The following CRTC3 variants were observed in gnomAD, a reference collection of about 807,000 sequenced individuals.
The protein encoded by CRTC3 is CREB-regulated transcription coactivator 3.
A neutral mutation model predicts 74.5 loss-of-function variants in CRTC3; 26 were observed. That is an observed-to-expected ratio of 0.35 (90% CI 0.26 to 0.48). The LOEUF is 0.48. Among genes scored for constraint, CRTC3 ranks in the 20% least tolerant of loss-of-function variants. CRTC3 has a pLI of 0.99. For synonymous variants in CRTC3, 377 were observed against 325.8 expected, an observed-to-expected ratio of 1.16 and a Z score of -1.69; for missense variants, 760 against 787.3, an observed-to-expected ratio of 0.97 and a Z score of 0.41.
rs73490386 is a variant in CRTC3, at chr15:90,576,931, G to A, written c.232-16705G>A. On this transcript the variant is annotated intron_variant, in intron 2 of 14. Transcript: ENST00000268184. ...TGAAGAGGAGAGACACCGGGACACCGGGGCAAGGAGGAGGAATAGGATGAT... is the reference window on the plus strand; with the variant it reads ...TGAAGAGGAGAGACACCGGGACACCAGGGCAAGGAGGAGGAATAGGATGAT... Among the ~76,000 whole-genome samples, 853 of 152,264 alleles carry A rather than the reference G, an allele frequency of 5.6e-3. 11 individuals carry two copies. The highest frequency in any genetic ancestry group is 0.019 in the African/African-American group (795 of 41,540).
chr15:90,584,237 CTT>C (rs11355776), intron 2 of CRTC3, among the ~76,000 whole-genome samples: 3,066 of 116,678 alleles, frequency 0.026, 70 homozygotes, highest in African/African-American at 0.085. Context: ...TTCACCAACG[CTT>C]TTTTTTTTTT....
At chr15:90,540,190 A>C in intron 2 of CRTC3, 53 bp downstream of exon 2, 2 of 1,197,128 alleles carry the variant, frequency 1.7e-6, no homozygotes, top group South Asian at 1.3e-5. Flanking sequence ...AAAAATAGAC[A>C]AAGATTATCA....
intron 9 of CRTC3, among the ~76,000 whole-genome samples, chr15:90,621,163 G>GAAACAA (rs143567146): frequency 6.6e-6 from 1 of 150,862 alleles, no homozygotes; most frequent in East Asian, 2.0e-4. Context: ...TGGAAATTTG[G>GAAACAA]AAACAAAAAC....
At chr15:90,557,630 T>TAA (rs1567165181) in intron 2 of CRTC3, among the ~76,000 whole-genome samples, 5 of 151,978 alleles carry the variant, frequency 3.3e-5, no homozygotes, top group Admixed American at 2.0e-4. Context: ...TATGGTGGAG[T>TAA]ACAGACAGAG....
chr15:90,530,341 A>G lies in CRTC3; in HGVS notation c.132+138A>G. 1 of 371,220 alleles carries G rather than the reference A, an allele frequency of 2.7e-6. No homozygotes were observed. The highest frequency in any genetic ancestry group is 3.7e-6 in the Non-Finnish European group (1 of 269,080). 23.0% of individuals were successfully genotyped at this position (371,220 alleles called of 1,614,324 possible). A position where few individuals can be genotyped will look rare whatever the true frequency, so the allele number is the denominator to read the frequency against. ...CCGGGAACCGGCGGCTGGGAGGGGGACCGGAGCGGCCGCGGCCTCGGCGTT... is the reference window on the plus strand; with the variant it reads ...CCGGGAACCGGCGGCTGGGAGGGGGGCCGGAGCGGCCGCGGCCTCGGCGTT... On this transcript the variant is annotated intron_variant, in intron 1 of 14. Coordinates refer to ENST00000268184, the MANE Select transcript of CRTC3 (RefSeq NM_022769.5). The surrounding 1 kb of genome is among the most constrained non-coding windows in gnomAD (Gnocchi z 6.2).
At chr15:90,576,383 G>GCGC (rs1967404639) in intron 2 of CRTC3, among the ~76,000 whole-genome samples, 1 of 152,072 alleles carries the variant, frequency 6.6e-6, no homozygotes, top group African/African-American at 2.4e-5. Context: ...CCGTCGAGTG[G>GCGC]CGCCATTCCC....
In CRTC3 at chr15:90,603,239, C is replaced by T. The variant is rs183925391; in HGVS notation, c.413+854C>T. Among the ~76,000 whole-genome samples, 13 of 150,626 alleles carry T rather than the reference C, an allele frequency of 8.6e-5. No individual in the cohort carries two copies. The East Asian group carries it at 1.2e-3, about 14-fold the overall frequency. ...CGGGCAGATCACAAGCTCAGGAGAT[C>T]GAGACCATCCTCGCTAACACGGTGA... On this transcript the variant is annotated intron_variant, in intron 4 of 14. Coordinates refer to ENST00000268184, the MANE Select transcript of CRTC3 (RefSeq NM_022769.5).
At position 90,642,361 on chromosome 15, in the gene CRTC3, C is replaced by T; in HGVS notation, c.*221C>T. On this transcript the variant is annotated 3_prime_UTR_variant, in exon 15 of 15. Coordinates refer to ENST00000268184, the MANE Select transcript of CRTC3 (RefSeq NM_022769.5). ...CCCGCCTGTGGCCAAAGTCGTGTTGCAGCAGGCAGGCTGCTTGGAGCTTCC... is the reference window on the plus strand; with the variant it reads ...CCCGCCTGTGGCCAAAGTCGTGTTGTAGCAGGCAGGCTGCTTGGAGCTTCC... 3.5e-6 allele frequency: 2 copies of T among 567,068 alleles called. No homozygotes were observed. The highest frequency in any genetic ancestry group is 6.3e-6 in the Non-Finnish European group (2 of 316,510). The allele number at this position is 567,068 out of a possible 1,614,324, so 35.1% of individuals were successfully genotyped here.
chr15:90,556,439 G>A (rs1339280342), intron 2 of CRTC3, among the ~76,000 whole-genome samples: 1 of 152,182 alleles, frequency 6.6e-6, no homozygotes, highest in Non-Finnish European at 1.5e-5. Flanking sequence ...TTACCTTAAG[G>A]ATAGGAGATC....
intron 2 of CRTC3, among the ~76,000 whole-genome samples, chr15:90,585,286 A>T (rs1447133327): frequency 6.6e-6 from 1 of 152,092 alleles, no homozygotes; most frequent in African/African-American, 2.4e-5. Flanking sequence ...CTGGGACTAC[A>T]GGTGTGTGCC....
intron 2 of CRTC3, among the ~76,000 whole-genome samples, chr15:90,587,860 C>G (rs1967702725): frequency 6.6e-6 from 1 of 151,924 alleles, no homozygotes; most frequent in Non-Finnish European, 1.5e-5. Flanking sequence ...ATGATCCACC[C>G]ACATCAGCCT....
chr15:90,599,181 T>G (rs1465792097), intron 3 of CRTC3: 1 of 152,168 alleles, frequency 6.6e-6, no homozygotes, highest in Non-Finnish European at 1.5e-5. Flanking sequence ...ACCTCTTCTT[T>G]GTTTATCTTT....
chr15:90,536,392 C>T (rs558950798), intron 1 of CRTC3, among the ~76,000 whole-genome samples: 1 of 150,708 alleles, frequency 6.6e-6, no homozygotes, highest in Admixed American at 6.6e-5. Context: ...CGAAAATTAG[C>T]TGGGCGTGGT....
At chr15:90,617,729 CTA>C (rs1968530165) in intron 7 of CRTC3, among the ~76,000 whole-genome samples, 152 bp from the exon 8 acceptor site, 1 of 152,086 alleles carries the variant, frequency 6.6e-6, no homozygotes, top group Non-Finnish European at 1.5e-5. Context: ...GGGGGTCTCA[CTA>C]TGTTGCCCAG....
At chr15:90,616,919 C>T (rs1350703745) in intron 7 of CRTC3, among the ~76,000 whole-genome samples, 1 of 152,202 alleles carries the variant, frequency 6.6e-6, no homozygotes, top group Non-Finnish European at 1.5e-5. Flanking sequence ...GCTTCACTGC[C>T]ACCATGTCTT....
At chr15:90,535,769 G>T (rs943415541) in intron 1 of CRTC3, among the ~76,000 whole-genome samples, 3 of 152,194 alleles carry the variant, frequency 2.0e-5, no homozygotes, top group Non-Finnish European at 2.9e-5. Flanking sequence ...CTTTCCTTTT[G>T]CGAGGCACTG....
chr15:90,574,764 C>T (rs573579838), intron 2 of CRTC3, among the ~76,000 whole-genome samples: 87 of 152,206 alleles, frequency 5.7e-4, no homozygotes, highest in Non-Finnish European at 1.0e-3. Flanking sequence ...AATTATGTTT[C>T]TGTTTAGTTT....
intron 2 of CRTC3, among the ~76,000 whole-genome samples, chr15:90,541,693 T>G (rs1200758003): frequency 6.6e-6 from 1 of 152,148 alleles, no homozygotes; most frequent in Non-Finnish European, 1.5e-5. Context: ...TATTGTCAAC[T>G]TTAGAGGAAT....
chr15:90,629,314 C>T lies in CRTC3; in HGVS notation c.1048C>T (p.Pro350Ser), dbSNP rs1411951091. ...TVLSSSLNNHPQTSVPNASAL... is the reference protein window; with the variant it reads ...TVLSSSLNNHSQTSVPNASAL... The stretch of plus-strand genomic sequence containing the variant: ...GCTTTCCTCTTCCTTAAATAACCAC[C>T]CACAGACATCTGTTCCCAACGCATC... Residue 350 changes from proline (P) to serine (S), a missense_variant, in exon 11 of 15, where the codon CCA becomes TCA. Pro to Ser is a moderately conservative substitution (Grantham distance 74). This residue lies in a region of CRTC3 where 652 missense variants were observed against 635.2 expected (regional missense o/e 1.03). Transcript: ENST00000268184. The T allele has an allele frequency of 3.1e-6, 5 of 1,613,988 alleles. No individual in the cohort carries two copies. In the South Asian group the frequency reaches 4.4e-5, roughly 14 times the overall value.
Sources: allele counts gnomAD v4.1 joint callset (sites outside exome capture counted in the v4.1 genomes callset), GRCh38; gene constraint gnomAD v4.1.1; regional missense constraint gnomAD v4.1.1; non-coding constraint Gnocchi (gnomAD v3.1); transcripts MANE v1.5; gene names NCBI Gene and HGNC (gene_info 2026-07-23, HGNC 2026-07-21).